Variants in DRC8 observed in about 807,000 individuals in gnomAD.
DRC8 encodes the protein dynein regulatory complex protein 8.
the DRC8 span, among the ~76,000 whole-genome samples, chr1:245,116,560 G>A: frequency 1.3e-5 from 2 of 152,184 alleles, no homozygotes; most frequent in East Asian, 3.8e-4. Context: ...TCAAACAGAG[G>A]TGGCGTCAGA....
the DRC8 span, chr1:245,030,722 C>T: frequency 1.3e-5 from 2 of 152,384 alleles, no homozygotes; most frequent in Non-Finnish European, 2.9e-5. Flanking sequence ...GCGTCTACCT[C>T]CTCATGGGTT....
chr1:245,042,792 T>A, the DRC8 span, among the ~76,000 whole-genome samples: 1 of 152,218 alleles, frequency 6.6e-6, no homozygotes, highest in Non-Finnish European at 1.5e-5. Flanking sequence ...TTTGGTGTTT[T>A]TGACCTTAGG....
chr1:245,056,720 G>A, the DRC8 span, among the ~76,000 whole-genome samples: 5 of 152,002 alleles, frequency 3.3e-5, no homozygotes, highest in Admixed American at 6.6e-5. Flanking sequence ...GGTGGATCAC[G>A]AGGTCAAGAA....
At chr1:245,087,711 A>G in the DRC8 span, 1 of 1,016,908 alleles carries the variant, frequency 9.8e-7, no homozygotes, top group South Asian at 4.1e-5. Flanking sequence ...TAAAGATCTT[A>G]AGAGGGGGCA....
the DRC8 span, among the ~76,000 whole-genome samples, chr1:244,988,370 A>G: frequency 1.3e-5 from 2 of 152,052 alleles, no homozygotes; most frequent in Non-Finnish European, 2.9e-5. Flanking sequence ...TGACATACTA[A>G]TTTAGTTATA....
At chr1:244,970,741 C>CCGCCCTCTT in the DRC8 span, 2 of 471,036 alleles carry the variant, frequency 4.2e-6, no homozygotes, top group Non-Finnish European at 7.4e-6. Flanking sequence ...CTTTCTCCTC[C>CCGCCCTCTT]CGCCCTCTTC....
the DRC8 span, among the ~76,000 whole-genome samples, chr1:245,004,423 CTTT>C: frequency 2.0e-5 from 3 of 146,468 alleles, no homozygotes; most frequent in Admixed American, 6.8e-5. Flanking sequence ...TAGAATGATA[CTTT>C]TTTTTTTTTT....
the DRC8 span, chr1:244,970,434 G>T: frequency 2.1e-5 from 32 of 1,535,132 alleles, no homozygotes; most frequent in Admixed American, 2.0e-5. Context: ...GGACGAGAAG[G>T]ACAGGGAAGG....
chr1:245,031,997 T>C, the DRC8 span, among the ~76,000 whole-genome samples: 5 of 152,208 alleles, frequency 3.3e-5, 1 homozygote, highest in Admixed American at 3.3e-4. Flanking sequence ...TAGTAACTAG[T>C]GATACCACTT....
the DRC8 span, among the ~76,000 whole-genome samples, chr1:245,050,020 T>G: frequency 6.6e-6 from 1 of 152,208 alleles, no homozygotes; most frequent in African/African-American, 2.4e-5. Context: ...AATAAGTCAC[T>G]GTAGAACTGG....
At chr1:244,981,790 A>G in the DRC8 span, among the ~76,000 whole-genome samples, 1 of 152,186 alleles carries the variant, frequency 6.6e-6, no homozygotes, top group Non-Finnish European at 1.5e-5. Flanking sequence ...ATTCTGGTGA[A>G]GAGCCAAGCA....
the DRC8 span, among the ~76,000 whole-genome samples, chr1:244,978,491 CAAAA>C: frequency 3.9e-5 from 5 of 129,832 alleles, no homozygotes; most frequent in African/African-American, 1.2e-4. Context: ...AACTCCGTCT[CAAAA>C]AAAAAAAAAA....
chr1:245,035,882 G>A, the DRC8 span, among the ~76,000 whole-genome samples: 35 of 110,280 alleles, frequency 3.2e-4, no homozygotes, highest in African/African-American at 1.2e-3. Flanking sequence ...AAAAAAAAAA[G>A]AAGAAGAAGA....
At chr1:245,098,007 G>A in the DRC8 span, among the ~76,000 whole-genome samples, 1 of 152,204 alleles carries the variant, frequency 6.6e-6, no homozygotes, top group Non-Finnish European at 1.5e-5. Flanking sequence ...CCATTGAATG[G>A]TGCTGAGCCA....
chr1:245,047,751 C>T, the DRC8 span, among the ~76,000 whole-genome samples: 1 of 151,928 alleles, frequency 6.6e-6, no homozygotes, highest in Non-Finnish European at 1.5e-5. Flanking sequence ...GCAGGTGGAT[C>T]ACTTGAGGTC....
the DRC8 span, among the ~76,000 whole-genome samples, chr1:244,998,023 T>C: frequency 1.3e-5 from 2 of 152,184 alleles, no homozygotes; most frequent in Non-Finnish European, 2.9e-5. Flanking sequence ...CCATGCAACA[T>C]GCTAGTTTCA....
chr1:245,068,048 C>A, the DRC8 span, among the ~76,000 whole-genome samples: 1 of 151,862 alleles, frequency 6.6e-6, no homozygotes, highest in African/African-American at 2.4e-5. Flanking sequence ...AAATTTGGGG[C>A]AATGAGGAGA....
At chr1:245,037,238 T>C in the DRC8 span, among the ~76,000 whole-genome samples, 2 of 152,202 alleles carry the variant, frequency 1.3e-5, no homozygotes, top group Admixed American at 1.3e-4. Flanking sequence ...TATGAATATC[T>C]GTACAAAAAT....
At chr1:245,026,145 A>G in the DRC8 span, among the ~76,000 whole-genome samples, 2 of 152,194 alleles carry the variant, frequency 1.3e-5, no homozygotes, top group African/African-American at 4.8e-5. Flanking sequence ...TTGCTAATAC[A>G]GTGAGTCTCT....
Sources: gnomAD v4.1 joint callset for allele counts (sites outside exome capture counted in the v4.1 genomes callset) on GRCh38, gnomAD v4.1.1 for gene constraint, MANE v1.5 for transcripts, NCBI Gene and HGNC (gene_info 2026-07-23, HGNC 2026-07-21) for gene names.